Variants in MFN2 observed in about 807,000 individuals in gnomAD.
The protein encoded by MFN2 is mitofusin 2, also known as mitofusin-2.
Under a neutral mutation model 87.5 loss-of-function variants are expected in MFN2, and 43 were observed. That is an observed-to-expected ratio of 0.49 (90% CI 0.38 to 0.63). The LOEUF is 0.63. MFN2 is among the 30% of genes least tolerant of loss of function. MFN2 has a pLI of 0.00. For synonymous variants in MFN2, 337 were observed against 359.9 expected (o/e 0.94, Z 0.72); for missense variants, 743 against 972.8 (o/e 0.76, Z 3.14).
Position 12,001,483 on chromosome 1 carries a change from G to A in MFN2, c.899G>A (p.Arg300His), listed in dbSNP as rs1226075443. The A allele has an allele frequency of 8.1e-6, 13 of 1,613,978 alleles. No individual in the cohort carries two copies. Among genetic ancestry groups the A allele is most frequent in the Admixed American group, 1.7e-5 (1 of 59,988 alleles). ...GTGGATCGATCCCAGGCCGGGGACCGCATCTTCTTTGTGTCTGCTAAGGAG... is the reference window on the plus strand; with the variant it reads ...GTGGATCGATCCCAGGCCGGGGACCACATCTTCTTTGTGTCTGCTAAGGAG... ...GVVDRSQAGD[R>H]IFFVSAKEVL... Residue 300 changes from arginine (R) to histidine (H), a missense_variant, in exon 9 of 19, where the codon CGC (arginine) becomes CAC (histidine). Transcript: ENST00000235329.
chr1:11,989,009 C>T (rs533114102), intron 2 of MFN2, among the ~76,000 whole-genome samples, 156 bp from the exon 3 acceptor site: 1 of 152,166 alleles, frequency 6.6e-6, no homozygotes, highest in African/African-American at 2.4e-5. Flanking sequence ...GCCTGAGACA[C>T]TGTTCTTATC....
At chr1:12,008,441 C>A (rs1309901050) in intron 17 of MFN2, among the ~76,000 whole-genome samples, 1 of 143,380 alleles carries the variant, frequency 7.0e-6, no homozygotes, top group Non-Finnish European at 1.5e-5. Context: ...CACCTCCCTC[C>A]CGGACGGGGC....
chr1:12,002,011 C>T lies in MFN2; in HGVS notation c.1068C>T (p.Thr356=). 6.2e-7 allele frequency: 1 copy of T among 1,614,156 alleles called. No homozygotes were observed. The highest frequency in any genetic ancestry group is 8.5e-7 in the Non-Finnish European group (1 of 1,180,036). ...GCATCTCCCAGTCTGCAGTGAAGACCAAGTTTGAGCAGCACACGGTCCGGG... is the reference window on the plus strand; with the variant it reads ...GCATCTCCCAGTCTGCAGTGAAGACTAAGTTTGAGCAGCACACGGTCCGGG... ...EECISQSAVK[T]KFEQHTVRAK... is the part of the protein sequence containing the mutation. Residue 356 remains threonine, a synonymous_variant, in exon 11 of 19, where the codon ACC becomes ACT. Coordinates refer to ENST00000235329, the MANE Select transcript of MFN2 (RefSeq NM_014874.4).
intron 2 of MFN2, among the ~76,000 whole-genome samples, chr1:11,984,981 G>T (rs538816404): frequency 3.9e-5 from 6 of 152,210 alleles, no homozygotes; most frequent in Non-Finnish European, 8.8e-5. Context: ...TCAAAGAGGG[G>T]GTCATGGGAA....
At chr1:11,996,943 C>T (rs1460229947) in intron 5 of MFN2, among the ~76,000 whole-genome samples, 4 of 150,398 alleles carry the variant, frequency 2.7e-5, no homozygotes, top group Admixed American at 6.7e-5. Context: ...GAGGCTGAGG[C>T]AGGAGGACTG....
intron 3 of MFN2, among the ~76,000 whole-genome samples, chr1:11,990,004 T>C (rs577608551): frequency 8.7e-4 from 132 of 152,360 alleles, no homozygotes; most frequent in African/African-American, 3.0e-3. Flanking sequence ...TGAGATTGTC[T>C]GTGGAGACCC....
intron 6 of MFN2, 39 bp from the exon 7 acceptor site, chr1:11,998,731 G>T: frequency 6.3e-7 from 1 of 1,584,532 alleles, no homozygotes; most frequent in Non-Finnish European, 8.7e-7. Flanking sequence ...TAGGGCTCCT[G>T]CTCTGCCTGA....
Position 12,004,577 on chromosome 1 carries a change from C to T in MFN2, c.1356C>T (p.Phe452=), listed in dbSNP as rs1639320282. 6.2e-7 allele frequency: 1 copy of T among 1,614,054 alleles called. No homozygotes were observed. ...SVLVDDYQMD[F]HPSPVVLKVY... ...TGGTGGACGATTACCAGATGGACTT[C>T]CACCCTTCTCCAGTAGTCCTCAAGG... Residue 452 remains phenylalanine, a synonymous_variant, in exon 13 of 19, where the codon TTC becomes TTT. Transcript: ENST00000235329. The surrounding 1 kb of genome is among the most constrained non-coding windows in gnomAD (Gnocchi z 4.2).
intron 1 of MFN2, 27 bp downstream of exon 1, chr1:11,980,511 C>CG (rs1645962590): frequency 2.5e-6 from 1 of 398,096 alleles, no homozygotes; most frequent in Non-Finnish European, 4.4e-6. Context: ...GCCGGGGTGG[C>CG]GGGGACTGGC....
chr1:12,007,872 G>A (rs1057474705), intron 17 of MFN2, among the ~76,000 whole-genome samples: 3 of 152,026 alleles, frequency 2.0e-5, no homozygotes, highest in African/African-American at 7.3e-5. Flanking sequence ...AAGGTCTCTG[G>A]TTTTCCTAGG....
chr1:12,004,361 C>T lies in MFN2; in HGVS notation c.1288-148C>T. 1 of 921,996 alleles carries T rather than the reference C, an allele frequency of 1.1e-6. No individual in the cohort carries two copies. Among genetic ancestry groups the T allele is most frequent in the Non-Finnish European group, 1.8e-6 (1 of 558,296 alleles). 57.1% of individuals were successfully genotyped at this position (921,996 alleles called of 1,614,324 possible). ...GATCAGCCAGTTTCCCAGACCCTCT[C>T]ACTTCAGAGGCTTTAATTCCATAGA... On this transcript the variant is annotated intron_variant, in intron 12 of 18. Transcript: ENST00000235329. This position sits in a 1 kb window ranked among gnomAD's most constrained non-coding sequence, Gnocchi z 4.2.
Position 12,006,972 on chromosome 1 carries a change from A to G in MFN2, c.1873-81A>G. 5 of 1,552,858 alleles carry G rather than the reference A, an allele frequency of 3.2e-6. No homozygotes were observed. The South Asian group carries it at 5.6e-5, about 17-fold the overall frequency. On this transcript the variant is annotated intron_variant, in intron 16 of 18. Coordinates refer to ENST00000235329, the MANE Select transcript of MFN2 (RefSeq NM_014874.4). Reference sequence around the variant, plus strand: ...GAAGGCTCCTTGGCTGGGGCCCTTCAGATGGCCCTGGTAGTGATGGGCCCC... The same window carrying G: ...GAAGGCTCCTTGGCTGGGGCCCTTCGGATGGCCCTGGTAGTGATGGGCCCC...
rs1450515409 is a variant in MFN2, at chr1:11,987,193, A to G, written c.-4-1972A>G. Among the ~76,000 whole-genome samples, 3 of 151,954 alleles carry G rather than the reference A, an allele frequency of 2.0e-5. No homozygotes were observed. The East Asian group carries it at 5.8e-4, about 30-fold the overall frequency. Reference sequence around the variant, plus strand: ...TGTGGTGGTACATGCCCGTACTCCAAGCTACTCAGGAGGCTGAGTGAGGCA... The same window carrying G: ...TGTGGTGGTACATGCCCGTACTCCAGGCTACTCAGGAGGCTGAGTGAGGCA... On this transcript the variant is annotated intron_variant, in intron 2 of 18. Coordinates refer to ENST00000235329, the MANE Select transcript of MFN2 (RefSeq NM_014874.4).
chr1:11,985,958 C>T (rs1638386127), intron 2 of MFN2, among the ~76,000 whole-genome samples: 1 of 152,170 alleles, frequency 6.6e-6, no homozygotes, highest in Non-Finnish European at 1.5e-5. Context: ...TCTTTAAGCC[C>T]TGGACATATG....
In MFN2 at chr1:12,011,775, C is replaced by CA; in HGVS notation, c.*213dup. Reference sequence around the variant, plus strand: ...TGCTGGAAGAGCTGGCTCATACCCCCAAAGGACACTTTCAGCGACAGCTAT... The same window carrying CA: ...TGCTGGAAGAGCTGGCTCATACCCCCAAAAGGACACTTTCAGCGACAGCTAT... On this transcript the variant is annotated 3_prime_UTR_variant, in exon 19 of 19. Coordinates refer to ENST00000235329, the MANE Select transcript of MFN2 (RefSeq NM_014874.4). 1 of 614,598 alleles carries CA rather than the reference C, an allele frequency of 1.6e-6. No homozygotes were observed. Among genetic ancestry groups the CA allele is most frequent in the Non-Finnish European group, 2.9e-6 (1 of 344,926 alleles). 38.1% of individuals were successfully genotyped at this position (614,598 alleles called of 1,614,324 possible). A position where few individuals can be genotyped will look rare whatever the true frequency, so the allele number is the denominator to read the frequency against.
chr1:11,984,269 C>T lies in MFN2; in HGVS notation c.-5+2155C>T, dbSNP rs372004469. On this transcript the variant is annotated intron_variant, in intron 2 of 18. Transcript: ENST00000235329. ...TATCGCTGATCCTTCCCCAGCTGAC[C>T]TGTTTATTTGATCTCCGTGATAGCG... Among the ~76,000 whole-genome samples, 5 of 152,258 alleles carry T rather than the reference C, an allele frequency of 3.3e-5. No homozygotes were observed. The East Asian group carries it at 5.8e-4, about 18-fold the overall frequency.
chr1:12,007,738 G>A (rs968668526), intron 17 of MFN2, among the ~76,000 whole-genome samples: 7 of 151,990 alleles, frequency 4.6e-5, no homozygotes, highest in Non-Finnish European at 7.4e-5. Context: ...CTTGGAGGTA[G>A]ATGTTGTCTT....
chr1:12,011,456 C>T, intron 18 of MFN2, 40 bp from the exon 19 acceptor site: 2 of 1,609,828 alleles, frequency 1.2e-6, no homozygotes, highest in South Asian at 1.1e-5. Flanking sequence ...TACTGCCTAT[C>T]ATCAGCTATC....
At chr1:12,000,172 C>T (rs1413759910) in intron 8 of MFN2, among the ~76,000 whole-genome samples, 1 of 151,912 alleles carries the variant, frequency 6.6e-6, no homozygotes, top group African/African-American at 2.4e-5. Context: ...CATGCAGTTG[C>T]AGTCAGTAGG....
Sources: allele counts gnomAD v4.1 joint callset (sites outside exome capture counted in the v4.1 genomes callset), GRCh38; gene constraint gnomAD v4.1.1; non-coding constraint Gnocchi (gnomAD v3.1); transcripts MANE v1.5; gene names NCBI Gene and HGNC (gene_info 2026-07-23, HGNC 2026-07-21).